ADH4: variants seen among roughly 807,000 people sequenced by gnomAD.
ADH4 encodes all-trans-retinol dehydrogenase [NAD(+)] ADH4.
A neutral mutation model predicts 35.2 loss-of-function variants in ADH4; 31 were observed. The ratio of observed to expected loss-of-function variants is 0.88; its 90% CI spans 0.66 to 1.19. The LOEUF (loss-of-function observed/expected upper bound fraction) is 1.19, where lower values mean the gene tolerates loss of function less well. ADH4 is among the 50% of genes most tolerant of loss of function. The pLI is 0.00. For missense variants in ADH4, 476 were observed against 458.3 expected (o/e 1.04, Z -0.35); for synonymous variants, 171 against 160.2 (o/e 1.07, Z -0.51).
Position 99,131,596 on chromosome 4 carries a change from C to T in ADH4, c.751G>A (p.Asp251Asn), listed in dbSNP as rs866631218. Residue 251 changes from aspartate to asparagine, a missense_variant, in exon 6 of 9, where the codon GAC (aspartate) becomes AAC (asparagine). Physicochemically the swap from Asp to Asn is conservative, Grantham distance 23 (BLOSUM62 1). Coordinates refer to ENST00000265512, the MANE Select transcript of ADH4 (RefSeq NM_000670.5). ...LGATDCLNPR[D>N]LHKPIQEVII... ...ACTTCCTGGATCGGTTTATGTAAGT[C>T]TCTAGGATTGAGGCAGTCAGTGGCT... is the stretch of plus-strand genomic sequence containing the variant. 1 of 1,614,104 alleles carries T rather than the reference C, an allele frequency of 6.2e-7. No individual in the cohort carries two copies.
intron 5 of ADH4, among the ~76,000 whole-genome samples, chr4:99,134,755 T>C (rs1729385286): frequency 6.6e-6 from 1 of 151,576 alleles, no homozygotes; most frequent in Non-Finnish European, 1.5e-5. Flanking sequence ...GGAGATAACA[T>C]GTTGATAGCA....
At position 99,141,540 on chromosome 4, in the gene ADH4, C is replaced by A; in HGVS notation, c.262+1G>T. 3 of 1,600,566 alleles carry A rather than the reference C, an allele frequency of 1.9e-6. No individual in the cohort carries two copies. The highest frequency in any genetic ancestry group is 1.1e-5 in the South Asian group (1 of 88,910). On this transcript the variant is annotated splice_donor_variant, in intron 3 of 8. Transcript: ENST00000265512. LOFTEE classifies it high-confidence loss of function. ...CATTTTTTCTGAATAAAATAAAATACCTGGTTTGACGTTGGTCACTCCTGG... is the reference window on the plus strand; with the variant it reads ...CATTTTTTCTGAATAAAATAAAATAACTGGTTTGACGTTGGTCACTCCTGG...
At chr4:99,139,193 T>A (rs1357605355) in intron 3 of ADH4, 45 bp from the exon 4 acceptor site, 2 of 1,293,472 alleles carry the variant, frequency 1.5e-6, no homozygotes, top group Non-Finnish European at 2.2e-6. Context: ...AGGTGTTACT[T>A]ATAGCTTCTA....
At position 99,136,752 on chromosome 4, in the gene ADH4, A is replaced by G; in HGVS notation, c.351-55T>C. On this transcript the variant is annotated intron_variant, in intron 4 of 8. Coordinates refer to ENST00000265512, the MANE Select transcript of ADH4 (RefSeq NM_000670.5). ...ATAAAGAGAAGTTATAATAAATGGA[A>G]CACTGATCATTTTCCTACAAAATAT... 5 of 1,107,220 alleles carry G rather than the reference A, an allele frequency of 4.5e-6. No individual in the cohort carries two copies. The South Asian group carries it at 7.2e-5, about 16-fold the overall frequency. The allele number at this position is 1,107,220 out of a possible 1,614,324, so 68.6% of individuals were successfully genotyped here. A position where few individuals can be genotyped will look rare whatever the true frequency, so the allele number is the denominator to read the frequency against.
In ADH4 at chr4:99,143,839, T is replaced by A. The variant is rs1261522644; in HGVS notation, c.18+366A>T. On this transcript the variant is annotated intron_variant, in intron 1 of 8. Coordinates refer to ENST00000265512, the MANE Select transcript of ADH4 (RefSeq NM_000670.5). The stretch of plus-strand genomic sequence containing the variant: ...TCGAGTATCCCCAAATAAGATACAT[T>A]GTCCATAGTATTTTGTAATATACTT... 2.0e-5 allele frequency among the ~76,000 whole-genome samples: 3 copies of A among 152,334 alleles called. No individual in the cohort carries two copies. In the South Asian group the frequency reaches 6.2e-4, roughly 32 times the overall value.
chr4:99,134,424 A>G (rs7689753), intron 5 of ADH4, among the ~76,000 whole-genome samples: 31,949 of 151,956 alleles, frequency 0.21, 4,031 homozygotes, highest in Non-Finnish European at 0.28. Flanking sequence ...AAATGTATAA[A>G]TTTTTTTCAA....
At chr4:99,125,503 G>C (rs29001232) in intron 8 of ADH4, among the ~76,000 whole-genome samples, 32,043 of 152,210 alleles carry the variant, frequency 0.21, 4,049 homozygotes, top group Non-Finnish European at 0.28. Flanking sequence ...GATATGAATA[G>C]AAGGGTGTGA....
chr4:99,127,849 T>G (rs983824100), intron 6 of ADH4, among the ~76,000 whole-genome samples: 1 of 146,324 alleles, frequency 6.8e-6, no homozygotes, highest in Non-Finnish European at 1.5e-5. Flanking sequence ...AAAAAAATTA[T>G]TAGTAAAATA....
intron 8 of ADH4, among the ~76,000 whole-genome samples, chr4:99,126,051 C>G (rs1170020043): frequency 6.6e-6 from 1 of 152,136 alleles, no homozygotes; most frequent in Non-Finnish European, 1.5e-5. Context: ...TGCATCAGTT[C>G]CTGGGATCCC....
intron 6 of ADH4, among the ~76,000 whole-genome samples, chr4:99,128,728 T>C (rs1281387626): frequency 6.6e-6 from 1 of 152,118 alleles, no homozygotes. Flanking sequence ...GTTCAGGATT[T>C]CTTGCTTTCT....
At chr4:99,136,785 A>G in intron 4 of ADH4, 88 bp from the exon 5 acceptor site, 2 of 839,786 alleles carry the variant, frequency 2.4e-6, no homozygotes, top group Non-Finnish European at 1.8e-6. Flanking sequence ...TATGTTGAGC[A>G]TTATATATTT....
At chr4:99,143,137 T>G (rs1729687302) in intron 1 of ADH4, 2 of 701,586 alleles carry the variant, frequency 2.9e-6, no homozygotes, top group African/African-American at 1.7e-5. Flanking sequence ...ATCTATTGAG[T>G]GAACTGTTTG....
At chr4:99,138,943 G>A in intron 4 of ADH4, 118 bp downstream of exon 4, 1 of 662,204 alleles carries the variant, frequency 1.5e-6, no homozygotes, top group Non-Finnish European at 2.6e-6. Context: ...TACACACCTA[G>A]GATTAGAATT....
At chr4:99,131,094 C>T (rs1053511932) in intron 6 of ADH4, among the ~76,000 whole-genome samples, 6 of 152,038 alleles carry the variant, frequency 3.9e-5, no homozygotes, top group Non-Finnish European at 8.8e-5. Flanking sequence ...AGGAACATTT[C>T]TCTAATTAAA....
chr4:99,127,423 T>C, intron 6 of ADH4, 79 bp from the exon 7 acceptor site: 1 of 1,179,660 alleles, frequency 8.5e-7, no homozygotes, highest in East Asian at 2.6e-5. Context: ...TACAATGCTT[T>C]AGAAAAAAAT....
chr4:99,129,263 AAAG>A (rs1161421970), intron 6 of ADH4, among the ~76,000 whole-genome samples: 1 of 152,104 alleles, frequency 6.6e-6, no homozygotes, highest in Non-Finnish European at 1.5e-5. Context: ...TTCATATAAA[AAAG>A]AATCTTATGG....
Position 99,136,541 on chromosome 4 carries a change from A to G in ADH4, c.507T>C (p.Asp169=), listed in dbSNP as rs1729437777. Residue 169 remains aspartate, a synonymous_variant, in exon 5 of 9, where the codon GAT becomes GAC. Coordinates refer to ENST00000265512, the MANE Select transcript of ADH4 (RefSeq NM_000670.5). Reference sequence around the variant, plus strand: ...GCAGACAAACTCTCTCTAAATTTGCATCATCATCTATTTTGGCAAGATTGA... The same window carrying G: ...GCAGACAAACTCTCTCTAAATTTGCGTCATCATCTATTTTGGCAAGATTGA... ...SDINLAKIDD[D]ANLERVCLLG... The G allele has an allele frequency of 4.3e-6, 7 of 1,614,166 alleles. No homozygotes were observed. Among genetic ancestry groups the G allele is most frequent in the East Asian group, 2.2e-5 (1 of 44,868 alleles).
chr4:99,133,571 G>A lies in ADH4; in HGVS notation c.583-1807C>T, dbSNP rs117189719. 9.9e-5 allele frequency: 15 copies of A among 152,228 alleles called. No individual in the cohort carries two copies. The East Asian group carries it at 2.9e-3, about 29-fold the overall frequency. 9.4% of individuals were successfully genotyped at this position (152,228 alleles called of 1,614,324 possible). On this transcript the variant is annotated intron_variant, in intron 5 of 8. Transcript: ENST00000265512. ...TCCTATCAGATTCATTTCTCTCTGA[G>A]GATCTCATGAGGTGGCTTAGCAGCT...
At chr4:99,131,825 A>T (rs1360424941) in intron 5 of ADH4, 61 bp from the exon 6 acceptor site, 3 of 1,548,788 alleles carry the variant, frequency 1.9e-6, no homozygotes, top group Non-Finnish European at 2.6e-6. Flanking sequence ...TTTTTCTTTT[A>T]AGAGTCAGGA....
Sources: gnomAD v4.1 joint callset for allele counts (sites outside exome capture counted in the v4.1 genomes callset) on GRCh38, gnomAD v4.1.1 for gene constraint, MANE v1.5 for transcripts, NCBI Gene and HGNC (gene_info 2026-07-23, HGNC 2026-07-21) for gene names.